PCDHA7: variants seen among roughly 807,000 people sequenced by gnomAD.
PCDHA7 encodes the protein protocadherin alpha-7.
In PCDHA7, 37 loss-of-function variants were observed where a neutral mutation model predicts 57.2. The observed-to-expected ratio is 0.65, with a 90% CI of 0.50 to 0.85. The LOEUF is 0.85. Ranked by LOEUF, PCDHA7 falls within the 40% of genes least tolerant of loss-of-function variation. The pLI is 0.00. For missense variants in PCDHA7, 1,188 were observed against 1,241.8 expected (o/e 0.96, Z 0.65); for synonymous variants, 553 against 558.8 (o/e 0.99, Z 0.15).
intron 1 of PCDHA7, chr5:140,881,407 A>G (rs2058705270): frequency 1.0e-6 from 1 of 956,680 alleles, no homozygotes; most frequent in South Asian, 4.8e-5. Flanking sequence ...TATTAAATCA[A>G]TAGGATATTA....
At chr5:140,863,093 C>T (rs1204907629) in intron 1 of PCDHA7, 2 of 576,488 alleles carry the variant, frequency 3.5e-6, no homozygotes, top group Middle Eastern at 2.9e-4. Flanking sequence ...ATCAGCACGA[C>T]GAGTACCCTG....
intron 1 of PCDHA7, among the ~76,000 whole-genome samples, chr5:140,901,445 C>T (rs1207516323): frequency 6.6e-6 from 1 of 152,074 alleles, no homozygotes; most frequent in Admixed American, 6.6e-5. Context: ...ATCTAGTTTC[C>T]CAGCACAGAC....
intron 3 of PCDHA7, among the ~76,000 whole-genome samples, chr5:140,992,294 G>C (rs2097504138): frequency 1.3e-5 from 2 of 152,190 alleles, no homozygotes; most frequent in African/African-American, 4.8e-5. Context: ...CAAAGGATGG[G>C]AGTATTGTTT....
At chr5:140,856,734 T>C in intron 1 of PCDHA7, 1 of 1,596,648 alleles carries the variant, frequency 6.3e-7, no homozygotes. Context: ...TCTCTGCTGA[T>C]CCTGGTGTTA....
intron 1 of PCDHA7, among the ~76,000 whole-genome samples, chr5:140,897,430 C>T (rs1297820601): frequency 6.7e-6 from 1 of 148,618 alleles, no homozygotes; most frequent in Non-Finnish European, 1.5e-5. Context: ...TGAGTGAGAA[C>T]ATGCAGTGTT....
chr5:140,933,522 T>A (rs1399438253), intron 1 of PCDHA7, among the ~76,000 whole-genome samples: 3 of 152,066 alleles, frequency 2.0e-5, no homozygotes, highest in Non-Finnish European at 4.4e-5. Flanking sequence ...AGCTGTTTTG[T>A]TTAAACTCAA....
intron 1 of PCDHA7, among the ~76,000 whole-genome samples, chr5:140,939,804 G>A (rs2092463605): frequency 6.6e-6 from 1 of 152,140 alleles, no homozygotes; most frequent in Non-Finnish European, 1.5e-5. Flanking sequence ...TGTTCTGCAT[G>A]TTCAAGAAAA....
At chr5:140,870,512 G>A in intron 1 of PCDHA7, 1 of 1,614,224 alleles carries the variant, frequency 6.2e-7, no homozygotes, top group Non-Finnish European at 8.5e-7. Flanking sequence ...AACCCACCAG[G>A]CTGCCACATC....
chr5:140,856,178 G>T lies in PCDHA7; in HGVS notation c.2355+19440G>T, dbSNP rs782689818. ...CGAGGAGGCCAGACACGGCACCTTC[G>T]TGGGCCGCATCGCGCAGGACCTGGG... is the stretch of plus-strand genomic sequence containing the variant. On this transcript the variant is annotated intron_variant, in intron 1 of 3. Coordinates refer to ENST00000525929, the MANE Select transcript of PCDHA7 (RefSeq NM_018910.3). 6.3e-6 allele frequency: 10 copies of T among 1,598,138 alleles called. 2 individuals are homozygous for T. Among genetic ancestry groups the T allele is most frequent in the Non-Finnish European group, 8.6e-6 (10 of 1,167,922 alleles).
intron 1 of PCDHA7, among the ~76,000 whole-genome samples, chr5:140,937,385 T>G (rs1022137225): frequency 2.6e-5 from 4 of 152,170 alleles, no homozygotes; most frequent in Admixed American, 2.6e-4. Flanking sequence ...TGTGTGTATG[T>G]GTATATAGGG....
chr5:140,914,528 A>G (rs1333576504), intron 1 of PCDHA7, among the ~76,000 whole-genome samples: 2 of 152,114 alleles, frequency 1.3e-5, no homozygotes, highest in African/African-American at 4.8e-5. Flanking sequence ...TCATCCATTC[A>G]GCCACTTTAT....
intron 1 of PCDHA7, chr5:140,883,009 T>C (rs782092684): frequency 1.2e-6 from 2 of 1,614,126 alleles, no homozygotes; most frequent in South Asian, 2.2e-5. Flanking sequence ...AATCCGTTTA[T>C]AAAGTGACGG....
intron 1 of PCDHA7, among the ~76,000 whole-genome samples, chr5:140,894,679 C>A (rs1227870690): frequency 6.6e-6 from 1 of 151,682 alleles, no homozygotes; most frequent in African/African-American, 2.4e-5. Context: ...TCTTGCATAG[C>A]TTTTCATTAT....
At chr5:140,870,952 T>G in intron 1 of PCDHA7, 4 of 1,613,610 alleles carry the variant, frequency 2.5e-6, no homozygotes, top group Non-Finnish European at 3.4e-6. Flanking sequence ...GGCGGGCGGC[T>G]CGCGCATCCC....
intron 1 of PCDHA7, among the ~76,000 whole-genome samples, chr5:140,962,286 T>C (rs1209495659): frequency 1.3e-5 from 2 of 152,224 alleles, no homozygotes; most frequent in Admixed American, 6.5e-5. Context: ...CCTCAACCTT[T>C]AATATTCTAT....
chr5:140,905,882 A>G (rs1213836068), intron 1 of PCDHA7, among the ~76,000 whole-genome samples: 1 of 152,192 alleles, frequency 6.6e-6, no homozygotes, highest in Admixed American at 6.5e-5. Context: ...GCCCAACAAT[A>G]GGCCATCTGC....
chr5:140,857,815 G>A (rs782354426), intron 1 of PCDHA7: 2 of 1,597,792 alleles, frequency 1.3e-6, no homozygotes, highest in East Asian at 4.5e-5. Context: ...CGGGTCACGT[G>A]GTGGCTAAGG....
In PCDHA7 at chr5:140,834,397, A is replaced by G; in HGVS notation, c.14A>G (p.Asn5Ser). Residue 5 changes from asparagine to serine, a missense_variant, in exon 1 of 4, where the codon AAT becomes AGT. Physicochemically the swap from Asn to Ser is conservative, Grantham distance 46. Around this residue, in one of 3 missense-constraint regions of PCDHA7, gnomAD observed 194 missense variants for 185.8 expected, o/e 1.04. Transcript: ENST00000525929. ...CAATAATTTGAAATGGTGTGCCCGA[A>G]TGGATACGACCCAGGGGGCCGACAT... MVCPNGYDPGGRHLL... is the reference protein window; with the variant it reads MVCPSGYDPGGRHLL... 1.3e-6 allele frequency: 2 copies of G among 1,599,794 alleles called. No individual in the cohort carries two copies. Among genetic ancestry groups the G allele is most frequent in the Non-Finnish European group, 1.7e-6 (2 of 1,172,050 alleles).
chr5:141,003,708 A>T (rs1251126675), intron 3 of PCDHA7, among the ~76,000 whole-genome samples: 1 of 152,218 alleles, frequency 6.6e-6, no homozygotes, highest in Non-Finnish European at 1.5e-5. Flanking sequence ...CCAATTGTGA[A>T]GATATCGGCT....
Sources: allele counts gnomAD v4.1 joint callset (sites outside exome capture counted in the v4.1 genomes callset), GRCh38; gene constraint gnomAD v4.1.1; regional missense constraint gnomAD v4.1.1; transcripts MANE v1.5; gene names NCBI Gene and HGNC (gene_info 2026-07-23, HGNC 2026-07-21).